TOPBP1: variants seen among roughly 807,000 people sequenced by gnomAD.
TOPBP1 encodes the protein DNA topoisomerase 2-binding protein 1.
TOPBP1 carries 28 observed loss-of-function variants against 167.7 expected under a neutral mutation model. The ratio of observed to expected loss-of-function variants is 0.17; its 90% CI spans 0.12 to 0.23. TOPBP1 has a LOEUF of 0.23. TOPBP1 is among the 10% of genes least tolerant of loss of function. The probability of loss-of-function intolerance (pLI) is 1.00; values close to 1 mark genes in which losing one functional copy is unlikely to be tolerated. For synonymous variants in TOPBP1, 598 were observed against 611.4 expected, an observed-to-expected ratio of 0.98 and a Z score of 0.32; for missense variants, 1,554 against 1,809.6, an observed-to-expected ratio of 0.86 and a Z score of 2.56.
intron 12 of TOPBP1, 93 bp from the exon 13 acceptor site, chr3:133,640,263 T>C: frequency 9.5e-7 from 1 of 1,055,726 alleles, no homozygotes; most frequent in Non-Finnish European, 1.4e-6. Flanking sequence ...TGGTTAGAGA[T>C]CATGTAAGTA....
At chr3:133,638,307 CCTAAT>C in intron 13 of TOPBP1, 145 bp from the exon 14 acceptor site, 1 of 763,016 alleles carries the variant, frequency 1.3e-6, no homozygotes, top group Non-Finnish European at 2.1e-6. Flanking sequence ...ACCTCGGCAT[CCTAAT>C]CTGTTAGTTT....
chr3:133,661,204 C>G, intron 1 of TOPBP1, 70 bp from the exon 2 acceptor site: 1 of 1,205,134 alleles, frequency 8.3e-7, no homozygotes, highest in Non-Finnish European at 1.1e-6. Flanking sequence ...TTTAACCTAC[C>G]TATTTTTCTG....
At chr3:133,606,930 C>A (rs928419574) in intron 27 of TOPBP1, among the ~76,000 whole-genome samples, 6 of 152,076 alleles carry the variant, frequency 3.9e-5, no homozygotes, top group African/African-American at 1.4e-4. Context: ...AATACACACA[C>A]ACACACCAAC....
intron 10 of TOPBP1, 59 bp downstream of exon 10, chr3:133,649,324 C>T (rs1177572382): frequency 1.3e-5 from 20 of 1,546,052 alleles, no homozygotes; most frequent in Non-Finnish European, 1.6e-5. Context: ...CACATATGTA[C>T]GTATTAGGCT....
At chr3:133,628,183 A>T in intron 16 of TOPBP1, 179 bp downstream of exon 16, 2 of 610,622 alleles carry the variant, frequency 3.3e-6, no homozygotes, top group Non-Finnish European at 5.7e-6. Context: ...ATAAGAGTGA[A>T]TTGATATGTG....
intron 4 of TOPBP1, 37 bp from the exon 5 acceptor site, chr3:133,656,894 A>C: frequency 6.8e-7 from 1 of 1,465,446 alleles, no homozygotes; most frequent in Non-Finnish European, 9.0e-7. Context: ...ATGCTGAAGC[A>C]AACAATATTG....
chr3:133,621,298 C>T (rs1056932256), intron 19 of TOPBP1, among the ~76,000 whole-genome samples: 1 of 152,126 alleles, frequency 6.6e-6, no homozygotes, highest in African/African-American at 2.4e-5. Context: ...CAGGTGTGAG[C>T]CACCGTGCCC....
At chr3:133,629,597 T>A (rs1294998219) in intron 14 of TOPBP1, among the ~76,000 whole-genome samples, 3 of 152,184 alleles carry the variant, frequency 2.0e-5, no homozygotes, top group Non-Finnish European at 4.4e-5. Context: ...CCAACATGTA[T>A]CTACCAATGT....
chr3:133,649,515 G>C lies in TOPBP1; in HGVS notation c.1372C>G (p.Pro458Ala), dbSNP rs374254458. The change falls in exon 10 of 28, where the codon CCT (proline) becomes GCT (alanine). Residue 458 changes from proline to alanine, a missense_variant. Pro to Ala is a conservative substitution (Grantham distance 27). This residue lies in a region of TOPBP1 where 1,197 missense variants were observed against 1,351.5 expected (regional missense o/e 0.89). Coordinates refer to ENST00000260810, the MANE Select transcript of TOPBP1 (RefSeq NM_007027.4). ...TTTAAAAGAGCTGCTTTACTTTCAG[G>C]CTTATGTGAAACTGGAATTTCCACT... ...QPVEIPVSHK[P>A]ESKAALLKKK... The C allele has an allele frequency of 1.5e-5, 25 of 1,613,726 alleles. No individual in the cohort carries two copies. Among genetic ancestry groups the C allele is most frequent in the Non-Finnish European group, 2.1e-5 (25 of 1,179,872 alleles).
rs187710303 is a variant in TOPBP1, at chr3:133,602,925, C to T, written c.4426-1532G>A. 3.1e-3 allele frequency among the ~76,000 whole-genome samples: 388 copies of T among 127,062 alleles called. 1 individual carries two copies. Among genetic ancestry groups the T allele is most frequent in the Non-Finnish European group, 4.7e-3 (293 of 62,830 alleles). 83.4% of individuals were successfully genotyped at this position (127,062 alleles called of 152,430 possible). On this transcript the variant is annotated intron_variant, in intron 27 of 27. Transcript: ENST00000260810. ...TTTTTTTTTTTTTGAGACAGAGTTT[C>T]GCTCTTGTCACCTAGGCTGGAGTGC...
At chr3:133,609,655 G>T (rs557800949) in intron 25 of TOPBP1, among the ~76,000 whole-genome samples, 1 of 152,222 alleles carries the variant, frequency 6.6e-6, no homozygotes. Context: ...TTTATAAGGG[G>T]TTTTTCCCCA....
chr3:133,652,205 T>A (rs186667247), intron 8 of TOPBP1, among the ~76,000 whole-genome samples: 157 of 152,086 alleles, frequency 1.0e-3, no homozygotes, highest in African/African-American at 3.6e-3. Context: ...ATGAAAAGAT[T>A]AATGTAGTTA....
In TOPBP1 at chr3:133,628,598, A is replaced by G. The variant is rs1349010867; in HGVS notation, c.2656T>C (p.Ser886Pro). The G allele has an allele frequency of 3.7e-6, 6 of 1,611,100 alleles. No individual in the cohort carries two copies. The highest frequency in any genetic ancestry group is 5.1e-6 in the Non-Finnish European group (6 of 1,178,722). ...ANSSRNAVAL[S>P]ASPQLKEAQS... ...GCCTCTTTCAGTTGAGGGCTGGCAG[A>G]AAGAGCGACAGCATTTCGAGAGCTA... The change falls in exon 15 of 28, where the codon TCT becomes CCT. Residue 886 changes from serine to proline, a missense_variant. Around this residue, in one of 3 missense-constraint regions of TOPBP1, gnomAD observed 1,197 missense variants for 1,351.5 expected, o/e 0.89. Coordinates refer to ENST00000260810, the MANE Select transcript of TOPBP1 (RefSeq NM_007027.4).
chr3:133,640,036 G>A lies in TOPBP1; in HGVS notation c.2156C>T (p.Ala719Val), dbSNP rs753592840. The A allele has an allele frequency of 6.2e-7, 1 of 1,613,884 alleles. No homozygotes were observed. The highest frequency in any genetic ancestry group is 8.5e-7 in the Non-Finnish European group (1 of 1,179,854). ...KKWNLPAVTIAWLLETARTGK... is the reference protein window; with the variant it reads ...KKWNLPAVTIVWLLETARTGK... Reference sequence around the variant, plus strand: ...CGTTCTAGCAGTCTCCAACAGCCAAGCTATAGTAACGGCAGGTAAATTCCA... The same window carrying A: ...CGTTCTAGCAGTCTCCAACAGCCAAACTATAGTAACGGCAGGTAAATTCCA... Residue 719 changes from alanine to valine, a missense_variant, in exon 13 of 28, where the codon GCT becomes GTT. By Grantham distance (64) the Ala-to-Val change is moderately conservative. Coordinates refer to ENST00000260810, the MANE Select transcript of TOPBP1 (RefSeq NM_007027.4).
chr3:133,640,214 T>C (rs1935850215), intron 12 of TOPBP1, 44 bp from the exon 13 acceptor site: 7 of 1,530,298 alleles, frequency 4.6e-6, no homozygotes, highest in Non-Finnish European at 5.4e-6. Context: ...ACATATACAA[T>C]TAACCCGCAA....
chr3:133,628,145 T>C, intron 16 of TOPBP1: 1 of 516,408 alleles, frequency 1.9e-6, no homozygotes, highest in Middle Eastern at 5.3e-4. Flanking sequence ...TTGTTGTGCA[T>C]ACCCTAAAAA....
rs1576313616 is a variant in TOPBP1, at chr3:133,652,509, T to C, written c.1043A>G (p.Asp348Gly). The C allele has an allele frequency of 6.2e-7, 1 of 1,611,996 alleles. No homozygotes were observed. Among genetic ancestry groups the C allele is most frequent in the Non-Finnish European group, 8.5e-7 (1 of 1,179,846 alleles). ...EPTLENLENL[D>G]VSAFQAPEDL... is the part of the protein sequence containing the mutation. ...TTCAGGTGCTTGAAATGCACTGACA[T>C]CCAGATTTTCTAGATTTTCAAGTGT... Residue 348 changes from aspartate (D) to glycine (G), a missense_variant, in exon 8 of 28, where the codon GAT becomes GGT. By Grantham distance (94) the Asp-to-Gly change is moderately conservative. Coordinates refer to ENST00000260810, the MANE Select transcript of TOPBP1 (RefSeq NM_007027.4).
Position 133,601,409 on chromosome 3 carries a change from TA to T in TOPBP1, c.4426-17del. On this transcript the variant is annotated splice_polypyrimidine_tract_variant and intron_variant, in intron 27 of 27. Coordinates refer to ENST00000260810, the MANE Select transcript of TOPBP1 (RefSeq NM_007027.4). ...GAGGTGATTCCTATAAAAGGAAAAATAAGTGATTTTTTAAAATGATTTCAAA... is the reference window on the plus strand; with the variant it reads ...GAGGTGATTCCTATAAAAGGAAAAATAGTGATTTTTTAAAATGATTTCAAA... 6.9e-7 allele frequency: 1 copy of T among 1,448,926 alleles called. No individual in the cohort carries two copies. Among genetic ancestry groups the T allele is most frequent in the African/African-American group, 1.5e-5 (1 of 68,064 alleles). 89.8% of individuals were successfully genotyped at this position (1,448,926 alleles called of 1,614,324 possible). A position where few individuals can be genotyped will look rare whatever the true frequency, so the allele number is the denominator to read the frequency against.
intron 16 of TOPBP1, among the ~76,000 whole-genome samples, chr3:133,624,756 A>T (rs1474234687): frequency 1.3e-5 from 2 of 152,104 alleles, no homozygotes; most frequent in Admixed American, 6.6e-5. Context: ...AACAGACTAT[A>T]TATATTTTAC....
Sources: allele counts gnomAD v4.1 joint callset (sites outside exome capture counted in the v4.1 genomes callset), GRCh38; gene constraint gnomAD v4.1.1; regional missense constraint gnomAD v4.1.1; transcripts MANE v1.5; gene names NCBI Gene and HGNC (gene_info 2026-07-23, HGNC 2026-07-21).